KALRN: variants seen among roughly 807,000 people sequenced by gnomAD.
KALRN encodes the protein kalirin.
In KALRN, 70 loss-of-function variants were observed where a neutral mutation model predicts 353.7. The ratio of observed to expected loss-of-function variants is 0.20; its 90% CI spans 0.16 to 0.24. The LOEUF (loss-of-function observed/expected upper bound fraction) is 0.24, where lower values mean the gene tolerates loss of function less well. Among genes scored for constraint, KALRN ranks in the 10% least tolerant of loss-of-function variants. The pLI is 1.00. For synonymous variants in KALRN, 1,391 were observed against 1,434.8 expected (o/e 0.97, Z 0.69); for missense variants, 2,791 against 3,756.7 (o/e 0.74, Z 6.72).
chr3:124,661,821 C>G (rs561349448), intron 44 of KALRN, 30 bp from the exon 45 acceptor site: 5 of 1,572,670 alleles, frequency 3.2e-6, no homozygotes, highest in South Asian at 1.1e-5. Flanking sequence ...GCTGTTCCCC[C>G]TCCTGAGTAA....
At chr3:124,458,784 C>G (rs1334612704) in intron 23 of KALRN, among the ~76,000 whole-genome samples, 1 of 152,008 alleles carries the variant, frequency 6.6e-6, no homozygotes, top group East Asian at 1.9e-4. Flanking sequence ...AAATACAAAA[C>G]TTAGCTGGGC....
chr3:124,155,872 C>T (rs1277049663), intron 1 of KALRN, among the ~76,000 whole-genome samples: 1 of 152,158 alleles, frequency 6.6e-6, no homozygotes, highest in African/African-American at 2.4e-5. Flanking sequence ...AGAGCCTTTA[C>T]CTTCTTGCTT....
At chr3:124,298,645 C>G in intron 5 of KALRN, 146 bp from the exon 6 acceptor site, 1 of 900,114 alleles carries the variant, frequency 1.1e-6, no homozygotes, top group South Asian at 1.5e-5. Flanking sequence ...GTGGCCCACC[C>G]CATTAAGACC....
At chr3:124,704,761 G>T (rs1230137936) in intron 57 of KALRN, among the ~76,000 whole-genome samples, 1 of 151,924 alleles carries the variant, frequency 6.6e-6, no homozygotes, top group Non-Finnish European at 1.5e-5. Flanking sequence ...TGTTGCCCAG[G>T]GTAATCTCAA....
chr3:124,079,382 T>G (rs996529669), intron 1 of KALRN, among the ~76,000 whole-genome samples: 4 of 152,218 alleles, frequency 2.6e-5, no homozygotes, highest in Non-Finnish European at 5.9e-5. Context: ...TGAATGATAC[T>G]TACATGTTTC....
At chr3:124,473,867 T>C (rs1469829194) in intron 25 of KALRN, among the ~76,000 whole-genome samples, 1 of 152,216 alleles carries the variant, frequency 6.6e-6, no homozygotes, top group Non-Finnish European at 1.5e-5. Flanking sequence ...TCACTATGTG[T>C]CCCCAAAGCC....
chr3:124,380,578 G>GTCAA (rs2087216417), intron 10 of KALRN, among the ~76,000 whole-genome samples: 1 of 152,332 alleles, frequency 6.6e-6, no homozygotes, highest in South Asian at 2.1e-4. Flanking sequence ...TCAATAAGGG[G>GTCAA]TCAAGTCCAA....
At chr3:124,295,281 C>T (rs1034571654) in intron 5 of KALRN, among the ~76,000 whole-genome samples, 3 of 152,152 alleles carry the variant, frequency 2.0e-5, no homozygotes, top group South Asian at 2.1e-4. Flanking sequence ...CTCTTTGGAG[C>T]GCCACCTCCA....
intron 1 of KALRN, among the ~76,000 whole-genome samples, chr3:124,138,794 A>G (rs1560053593): frequency 6.6e-6 from 1 of 152,110 alleles, no homozygotes; most frequent in Non-Finnish European, 1.5e-5. Flanking sequence ...ACTCCTAACT[A>G]TGGCTTTGGT....
At chr3:124,462,087 G>A (rs987236187) in intron 24 of KALRN, 131 bp downstream of exon 24, 42 of 681,462 alleles carry the variant, frequency 6.2e-5, no homozygotes, top group Non-Finnish European at 1.3e-5. Context: ...TCAACAAGAG[G>A]AAATCTTTCT....
At chr3:124,034,914 G>A (rs936960812) in intron 1 of KALRN, among the ~76,000 whole-genome samples, 25 of 152,072 alleles carry the variant, frequency 1.6e-4, no homozygotes, top group African/African-American at 5.6e-4. Flanking sequence ...GCTCTGGAGG[G>A]TCTCTGCACA....
At chr3:124,280,743 A>T (rs1444821502) in intron 5 of KALRN, among the ~76,000 whole-genome samples, 2 of 152,114 alleles carry the variant, frequency 1.3e-5, no homozygotes, top group African/African-American at 4.8e-5. Context: ...CTCATATATA[A>T]ATACAGGAGG....
At chr3:124,566,205 C>G (rs908819435) in intron 34 of KALRN, among the ~76,000 whole-genome samples, 2 of 152,176 alleles carry the variant, frequency 1.3e-5, no homozygotes, top group African/African-American at 4.8e-5. Context: ...TCCCAACAGT[C>G]AAGGACCTAA....
In KALRN at chr3:124,207,347, G is replaced by T. The variant is rs567322429; in HGVS notation, c.74-20643G>T. Among the ~76,000 whole-genome samples, 4 of 152,326 alleles carry T rather than the reference G, an allele frequency of 2.6e-5. No homozygotes were observed. In the South Asian group the frequency reaches 8.3e-4, roughly 32 times the overall value. ...GGGGTTTCAGAGCACAGTGCTAGCT[G>T]TAAGTTGCTAATTATAGGGCTCAGC... On this transcript the variant is annotated intron_variant, in intron 1 of 59. Coordinates refer to ENST00000682506, the MANE Select transcript of KALRN (RefSeq NM_001388419.1).
chr3:124,363,483 G>C (rs2084293447), intron 10 of KALRN, among the ~76,000 whole-genome samples: 1 of 152,220 alleles, frequency 6.6e-6, no homozygotes, highest in African/African-American at 2.4e-5. Context: ...TTCAGTTGAA[G>C]TAGGCATGCA....
intron 5 of KALRN, among the ~76,000 whole-genome samples, chr3:124,293,733 C>A (rs1317663495): frequency 8.9e-5 from 13 of 146,318 alleles, no homozygotes; most frequent in Admixed American, 8.8e-4. Context: ...TAGACACGAA[C>A]TTTCCTCTTT....
intron 33 of KALRN, among the ~76,000 whole-genome samples, chr3:124,544,602 A>G (rs1402234239): frequency 6.6e-6 from 1 of 151,830 alleles, no homozygotes; most frequent in Non-Finnish European, 1.5e-5. Context: ...ATCGATATAG[A>G]TACAGATATA....
At chr3:124,262,751 CA>C (rs1035798420) in intron 3 of KALRN, among the ~76,000 whole-genome samples, 1 of 152,092 alleles carries the variant, frequency 6.6e-6, no homozygotes, top group Non-Finnish European at 1.5e-5. Context: ...TAAAGCCCCC[CA>C]AAAAGGTTTT....
chr3:124,142,063 C>T (rs2066690145), intron 1 of KALRN, among the ~76,000 whole-genome samples: 1 of 152,146 alleles, frequency 6.6e-6, no homozygotes, highest in Non-Finnish European at 1.5e-5. Flanking sequence ...ATTTATCTCC[C>T]TCTCCCCTCC....
Sources: allele counts gnomAD v4.1 joint callset (sites outside exome capture counted in the v4.1 genomes callset), GRCh38; gene constraint gnomAD v4.1.1; transcripts MANE v1.5; gene names NCBI Gene and HGNC (gene_info 2026-07-23, HGNC 2026-07-21).